Variants in FIG4 observed in about 807,000 individuals in gnomAD.
The protein encoded by FIG4 is FIG4 phosphoinositide 5-phosphatase.
FIG4 carries 112 observed loss-of-function variants against 118.6 expected under a neutral mutation model. The ratio of observed to expected loss-of-function variants is 0.94; its 90% CI spans 0.81 to 1.11. The LOEUF is 1.11. Ranked by LOEUF, FIG4 falls within the 50% of genes least tolerant of loss-of-function variation. The pLI, the probability that FIG4 is intolerant of heterozygous loss-of-function variation, is 0.00. For synonymous variants in FIG4, 369 were observed against 381.2 expected, an observed-to-expected ratio of 0.97 and a Z score of 0.37; for missense variants, 969 against 1,111.7, an observed-to-expected ratio of 0.87 and a Z score of 1.83.
intron 1 of FIG4, among the ~76,000 whole-genome samples, chr6:109,704,382 A>G (rs1168928749): frequency 1.3e-5 from 2 of 152,190 alleles, no homozygotes; most frequent in East Asian, 1.9e-4. Flanking sequence ...GGGGCCAGGC[A>G]TGGTGGCTCA....
At chr6:109,701,613 A>G in intron 1 of FIG4, 1 of 446,110 alleles carries the variant, frequency 2.2e-6, no homozygotes. Context: ...TACTTGTTCA[A>G]GATTGTTAGC....
At chr6:109,781,071 C>T in intron 16 of FIG4, among the ~76,000 whole-genome samples, 1 of 152,148 alleles carries the variant, frequency 6.6e-6, no homozygotes, top group East Asian at 1.9e-4. Context: ...TTCTGTTTCC[C>T]TAGGGAGAGA....
chr6:109,712,255 A>G (rs1775287936), intron 1 of FIG4, among the ~76,000 whole-genome samples: 1 of 152,200 alleles, frequency 6.6e-6, no homozygotes, highest in Admixed American at 6.5e-5. Context: ...TCTAGTGAGT[A>G]TCTGACTGGG....
At chr6:109,704,510 C>A (rs941151683) in intron 1 of FIG4, among the ~76,000 whole-genome samples, 3 of 151,082 alleles carry the variant, frequency 2.0e-5, no homozygotes, top group Admixed American at 6.6e-5. Flanking sequence ...ACAACAACAA[C>A]AAAAAAAATT....
At chr6:109,710,416 T>A (rs1775219691) in intron 1 of FIG4, among the ~76,000 whole-genome samples, 4 of 152,198 alleles carry the variant, frequency 2.6e-5, no homozygotes, top group South Asian at 4.1e-4. Context: ...TGAAGTTTTC[T>A]TTTTTTGTTG....
At chr6:109,787,961 A>C (rs187504420) in intron 18 of FIG4, among the ~76,000 whole-genome samples, 225 of 152,328 alleles carry the variant, frequency 1.5e-3, no homozygotes, top group Non-Finnish European at 2.3e-3. Context: ...ACAATGGTGC[A>C]AAAGTTACAT....
Position 109,756,557 on chromosome 6 carries a change from G to A in FIG4, c.1138-3693G>A, listed in dbSNP as rs944932204. Among the ~76,000 whole-genome samples, 31 of 152,228 alleles carry A rather than the reference G, an allele frequency of 2.0e-4. 1 individual carries two copies. The highest frequency in any genetic ancestry group is 3.9e-4 in the Admixed American group (6 of 15,290). On this transcript the variant is annotated intron_variant, in intron 10 of 22. Coordinates refer to ENST00000230124, the MANE Select transcript of FIG4 (RefSeq NM_014845.6). ...TTTCCAACTTGGTTCCATTCTCCCC[G>A]TCACTTTCAGGTACACCAATCAGAG...
chr6:109,808,350 C>CAAAAAAAAAAAAAAAAAAAAAA (rs55948419), intron 22 of FIG4, among the ~76,000 whole-genome samples: 1 of 67,058 alleles, frequency 1.5e-5, no homozygotes. Flanking sequence ...ACACTCACAG[C>CAAAAAAAAAAAAAAAAAAAAAA]AAAAAAAAAA....
chr6:109,713,864 C>T (rs560175640), intron 1 of FIG4, among the ~76,000 whole-genome samples: 1 of 152,230 alleles, frequency 6.6e-6, no homozygotes, highest in East Asian at 1.9e-4. Context: ...GGCTTCCCTG[C>T]AAGCAGGGCT....
At chr6:109,716,705 A>G (rs1775441344) in intron 3 of FIG4, 137 bp downstream of exon 3, 2 of 1,023,750 alleles carry the variant, frequency 2.0e-6, no homozygotes, top group East Asian at 4.9e-5. Context: ...TTAAAACTTC[A>G]TTATCCATCA....
intron 15 of FIG4, among the ~76,000 whole-genome samples, chr6:109,770,246 T>C (rs1777418057): frequency 6.6e-6 from 1 of 152,180 alleles, no homozygotes; most frequent in South Asian, 2.1e-4. Context: ...ATGCAAATTT[T>C]TAAGCCTGGA....
At chr6:109,706,149 T>C (rs1210846875) in intron 1 of FIG4, among the ~76,000 whole-genome samples, 2 of 152,228 alleles carry the variant, frequency 1.3e-5, no homozygotes, top group Non-Finnish European at 2.9e-5. Context: ...GAGGTGCTTA[T>C]AGTAGGGGGC....
intron 1 of FIG4, among the ~76,000 whole-genome samples, chr6:109,692,729 C>G (rs1354528389): frequency 6.6e-6 from 1 of 151,654 alleles, no homozygotes; most frequent in African/African-American, 2.4e-5. Flanking sequence ...CAGAGTCTTG[C>G]TCTGTCACCC....
chr6:109,795,417 G>C (rs545789017), intron 21 of FIG4, among the ~76,000 whole-genome samples: 30 of 151,880 alleles, frequency 2.0e-4, no homozygotes, highest in Admixed American at 1.8e-3. Context: ...CTGTTTGAAA[G>C]TTTTTCTTTA....
At chr6:109,726,127 G>C (rs2357225) in intron 3 of FIG4, among the ~76,000 whole-genome samples, 51,114 of 151,734 alleles carry the variant, frequency 0.34, 9,180 homozygotes, top group South Asian at 0.45. Flanking sequence ...GTCAATTTTG[G>C]CTTTTATTGC....
At chr6:109,739,054 G>T (rs919113564) in intron 7 of FIG4, among the ~76,000 whole-genome samples, 7 of 152,162 alleles carry the variant, frequency 4.6e-5, no homozygotes, top group African/African-American at 1.7e-4. Flanking sequence ...TTGTGCAGAA[G>T]AATGACATTT....
chr6:109,814,300 A>G (rs907816131), intron 22 of FIG4, among the ~76,000 whole-genome samples: 1 of 132,440 alleles, frequency 7.6e-6, no homozygotes, highest in Non-Finnish European at 1.6e-5. Flanking sequence ...CACCACACCC[A>G]GCTAATTTTT....
chr6:109,766,297 T>C (rs1777276667), intron 14 of FIG4, among the ~76,000 whole-genome samples: 1 of 152,200 alleles, frequency 6.6e-6, no homozygotes, highest in African/African-American at 2.4e-5. Flanking sequence ...ATGTTTGCTG[T>C]TTATAAGCCA....
intron 1 of FIG4, among the ~76,000 whole-genome samples, chr6:109,698,983 C>G (rs1240972710): frequency 6.6e-6 from 1 of 152,136 alleles, no homozygotes; most frequent in East Asian, 1.9e-4. Flanking sequence ...CAGGATAACT[C>G]TAGCTTCATA....
Sources: gnomAD v4.1 joint callset for allele counts (sites outside exome capture counted in the v4.1 genomes callset) on GRCh38, gnomAD v4.1.1 for gene constraint, MANE v1.5 for transcripts, NCBI Gene and HGNC (gene_info 2026-07-23, HGNC 2026-07-21) for gene names.